The following LINGO2 variants were observed in gnomAD, a reference collection of about 807,000 sequenced individuals.
The protein encoded by LINGO2 is leucine rich repeat and Ig domain containing 2, also known as leucine-rich repeat and immunoglobulin-like domain-containing nogo receptor-interacting protein 2.
In LINGO2, 14 loss-of-function variants were observed where a neutral mutation model predicts 30.6. That is an observed-to-expected ratio of 0.46 (90% CI 0.30 to 0.72). LINGO2 has a LOEUF of 0.72. LINGO2 is among the 30% of genes least tolerant of loss of function. The pLI, the probability that LINGO2 is intolerant of heterozygous loss-of-function variation, is 0.07. For missense variants in LINGO2, 729 were observed against 751.7 expected, an observed-to-expected ratio of 0.97 and a Z score of 0.35; for synonymous variants, 317 against 288.5, an observed-to-expected ratio of 1.10 and a Z score of -1.00.
chr9:28,608,670 C>A (rs1230996501), intron 1 of LINGO2, among the ~76,000 whole-genome samples: 3 of 151,794 alleles, frequency 2.0e-5, no homozygotes, highest in Admixed American at 2.0e-4. Context: ...AGGTCTTTTC[C>A]AAAATGAAAC....
At chr9:28,835,080 G>A in the LINGO2 span, among the ~76,000 whole-genome samples, 2 of 152,178 alleles carry the variant, frequency 1.3e-5, no homozygotes, top group Admixed American at 6.5e-5. Flanking sequence ...GCTTAGACCT[G>A]CTCTCCATGA....
At chr9:28,699,705 C>A in the LINGO2 span, among the ~76,000 whole-genome samples, 1 of 151,804 alleles carries the variant, frequency 6.6e-6, no homozygotes, top group African/African-American at 2.4e-5. Context: ...AATTCTTTTC[C>A]TAGGAAGGAA....
intron 1 of LINGO2, among the ~76,000 whole-genome samples, chr9:28,608,146 A>G (rs1417119937): frequency 9.1e-6 from 1 of 110,444 alleles, no homozygotes; most frequent in Non-Finnish European, 1.9e-5. Context: ...CATTCTGTAG[A>G]AAGATAAAAA....
the LINGO2 span, among the ~76,000 whole-genome samples, chr9:28,682,151 T>C: frequency 3.3e-5 from 5 of 152,302 alleles, no homozygotes; most frequent in Non-Finnish European, 5.9e-5. Context: ...TGATCCTATA[T>C]GCTGCCCTTT....
intron 4 of LINGO2, among the ~76,000 whole-genome samples, chr9:28,023,274 T>A (rs1823222603): frequency 6.6e-6 from 1 of 152,236 alleles, no homozygotes; most frequent in South Asian, 2.1e-4. Context: ...CTGAGGTAAA[T>A]GTACCTTAAC....
At chr9:28,503,272 T>C (rs1438086889) in intron 1 of LINGO2, among the ~76,000 whole-genome samples, 2 of 152,020 alleles carry the variant, frequency 1.3e-5, no homozygotes, top group African/African-American at 4.8e-5. Flanking sequence ...AAAAATGCAT[T>C]AAATGTACAT....
chr9:28,543,957 C>T (rs538597915), intron 1 of LINGO2, among the ~76,000 whole-genome samples: 2 of 151,944 alleles, frequency 1.3e-5, no homozygotes, highest in Middle Eastern at 3.2e-3. Context: ...GTAATACCAG[C>T]ACTTTGGAAG....
the LINGO2 span, chr9:27,942,463 A>C: frequency 6.6e-6 from 1 of 152,126 alleles, no homozygotes; most frequent in African/African-American, 2.4e-5. Flanking sequence ...TTCTTAACTT[A>C]TTTTACATGT....
the LINGO2 span, among the ~76,000 whole-genome samples, chr9:28,699,119 T>A: frequency 6.6e-6 from 1 of 151,964 alleles, no homozygotes; most frequent in East Asian, 1.9e-4. Context: ...ATGAACACAC[T>A]TTAACACATC....
At chr9:28,381,023 A>G (rs1204352135) in intron 2 of LINGO2, among the ~76,000 whole-genome samples, 6 of 152,050 alleles carry the variant, frequency 3.9e-5, no homozygotes, top group Non-Finnish European at 8.8e-5. Flanking sequence ...AACACAGTAA[A>G]CACCATTTTG....
the LINGO2 span, among the ~76,000 whole-genome samples, chr9:29,179,584 T>C: frequency 6.6e-6 from 1 of 152,032 alleles, no homozygotes; most frequent in African/African-American, 2.4e-5. Context: ...TTTGTATTTT[T>C]AGTAGAGACA....
intron 4 of LINGO2, among the ~76,000 whole-genome samples, chr9:28,029,150 T>A (rs974594552): frequency 6.6e-6 from 1 of 152,160 alleles, no homozygotes; most frequent in African/African-American, 2.4e-5. Context: ...TATTTAAATA[T>A]CAAAAAATAA....
chr9:27,996,072 C>T (rs887505946), intron 5 of LINGO2, among the ~76,000 whole-genome samples: 7 of 152,054 alleles, frequency 4.6e-5, no homozygotes, highest in Non-Finnish European at 8.8e-5. Context: ...AAATACAAAT[C>T]ATAACCACAG....
At chr9:27,949,546 C>T (rs1270715149) in exon 6 of LINGO2, 5 of 1,613,962 alleles carry the variant, frequency 3.1e-6, no homozygotes, top group Non-Finnish European at 4.2e-6. Context: ...TGCTGGCCAC[C>T]AAACTGCAGG....
chr9:28,686,650 A>T, the LINGO2 span, among the ~76,000 whole-genome samples: 286 of 152,222 alleles, frequency 1.9e-3, no homozygotes, highest in Middle Eastern at 3.4e-3. Context: ...TTGGTAATGA[A>T]TAGTCAATTT....
At chr9:28,887,851 T>C in the LINGO2 span, among the ~76,000 whole-genome samples, 1 of 152,154 alleles carries the variant, frequency 6.6e-6, no homozygotes, top group Admixed American at 6.6e-5. Context: ...TTAAAATCAA[T>C]TGAAGAAATC....
chr9:28,854,248 T>G, the LINGO2 span, among the ~76,000 whole-genome samples: 18 of 151,982 alleles, frequency 1.2e-4, no homozygotes, highest in Admixed American at 1.2e-3. Flanking sequence ...AATGCTCAAA[T>G]TGTTACATAT....
At chr9:28,327,273 T>C (rs562543475) in intron 3 of LINGO2, among the ~76,000 whole-genome samples, 108 of 152,294 alleles carry the variant, frequency 7.1e-4, no homozygotes, top group African/African-American at 2.6e-3. Flanking sequence ...TATTTTGTTA[T>C]AGCAGCCCAT....
chr9:28,496,582 A>G (rs1819638985), intron 1 of LINGO2, among the ~76,000 whole-genome samples: 1 of 151,844 alleles, frequency 6.6e-6, no homozygotes, highest in South Asian at 2.1e-4. Flanking sequence ...TCCTGAATAT[A>G]GCACACTGAT....
Sources: allele counts gnomAD v4.1 joint callset (sites outside exome capture counted in the v4.1 genomes callset), GRCh38; gene constraint gnomAD v4.1.1; transcripts MANE v1.5; gene names NCBI Gene and HGNC (gene_info 2026-07-23, HGNC 2026-07-21).